CRTC1: variants seen among roughly 807,000 people sequenced by gnomAD.
CRTC1 encodes CREB regulated transcription coactivator 1.
A neutral mutation model predicts 66.1 loss-of-function variants in CRTC1; 18 were observed. The observed-to-expected ratio is 0.27, with a 90% CI of 0.19 to 0.40. CRTC1 has a LOEUF of 0.40. CRTC1 is among the 10% of genes least tolerant of loss of function. The pLI is 1.00. For synonymous variants in CRTC1, 416 were observed against 398.8 expected (o/e 1.04, Z -0.51); for missense variants, 669 against 887.9 (o/e 0.75, Z 3.13).
intron 1 of CRTC1, among the ~76,000 whole-genome samples, chr19:18,694,218 T>C (rs2052927613): frequency 6.7e-6 from 1 of 148,566 alleles, no homozygotes; most frequent in Non-Finnish European, 1.5e-5. Context: ...AGAGGTTCCC[T>C]TGAGCCTAGG....
At chr19:18,743,089 G>A in intron 2 of CRTC1, 63 bp downstream of exon 2, 1 of 1,289,988 alleles carries the variant, frequency 7.8e-7, no homozygotes. Context: ...TCCCACTGGG[G>A]GCCAGACATT....
At chr19:18,733,126 GC>G (rs1163110617) in intron 1 of CRTC1, among the ~76,000 whole-genome samples, 1 of 151,994 alleles carries the variant, frequency 6.6e-6, no homozygotes, top group Non-Finnish European at 1.5e-5. Flanking sequence ...AGCCCTCCCG[GC>G]TGGGGAAAGA....
chr19:18,683,712 T>G lies in CRTC1; in HGVS notation c.10T>G (p.Ser4Ala), dbSNP rs1358939032. Residue 4 changes from serine (S) to alanine (A), a missense_variant, in exon 1 of 14, where the codon TCG becomes GCG. Physicochemically the swap from Ser to Ala is moderately conservative, Grantham distance 99. Transcript: ENST00000321949. ...AGGTGGCGGCGAGAAGATGGCGACT[T>G]CGAACAATCCGCGGAAATTCAGCGA... MAT[S>A]NNPRKFSEKI... 1.2e-5 allele frequency: 17 copies of G among 1,396,736 alleles called. No individual in the cohort carries two copies. Among genetic ancestry groups the G allele is most frequent in the Non-Finnish European group, 1.5e-5 (16 of 1,050,816 alleles). 86.5% of individuals were successfully genotyped at this position (1,396,736 alleles called of 1,614,324 possible). A position where few individuals can be genotyped will look rare whatever the true frequency, so the allele number is the denominator to read the frequency against.
chr19:18,772,907 T>C (rs1201621509), intron 11 of CRTC1, among the ~76,000 whole-genome samples: 1 of 152,092 alleles, frequency 6.6e-6, no homozygotes, highest in Non-Finnish European at 1.5e-5. Flanking sequence ...GTGAGGCCTG[T>C]CCCAGGTGGG....
chr19:18,746,372 A>G (rs560812695), intron 3 of CRTC1, among the ~76,000 whole-genome samples: 6 of 152,124 alleles, frequency 3.9e-5, no homozygotes, highest in Non-Finnish European at 7.4e-5. Context: ...CAATGGGGCT[A>G]AGGGGGTCTG....
intron 1 of CRTC1, among the ~76,000 whole-genome samples, chr19:18,722,201 A>G (rs10417063): frequency 1.1e-3 from 162 of 152,298 alleles, no homozygotes; most frequent in African/African-American, 3.8e-3. Context: ...GAGACGAGAA[A>G]ACATGCCAAG....
intron 1 of CRTC1, among the ~76,000 whole-genome samples, chr19:18,716,621 G>C (rs904645424): frequency 2.0e-5 from 3 of 152,206 alleles, no homozygotes; most frequent in African/African-American, 7.2e-5. Flanking sequence ...GCGGGCATTA[G>C]TGTGTGGAGA....
In CRTC1 at chr19:18,700,722, G is replaced by A. The variant is rs576199375; in HGVS notation, c.126+16894G>A. 9.9e-5 allele frequency among the ~76,000 whole-genome samples: 15 copies of A among 152,256 alleles called. No homozygotes were observed. In the East Asian group the frequency reaches 2.3e-3, roughly 24 times the overall value. ...TAGCAGGGCGCCTGGGACTGGCTCT[G>A]TGGGCTGGCCGTCCCTCTGGCTGGG... On this transcript the variant is annotated intron_variant, in intron 1 of 13. Coordinates refer to ENST00000321949, the MANE Select transcript of CRTC1 (RefSeq NM_015321.3).
At chr19:18,688,438 G>A (rs1319494605) in intron 1 of CRTC1, among the ~76,000 whole-genome samples, 1 of 151,374 alleles carries the variant, frequency 6.6e-6, no homozygotes, top group Non-Finnish European at 1.5e-5. Context: ...TTGTTTGTTT[G>A]TTTGTTTGTT....
intron 6 of CRTC1, among the ~76,000 whole-genome samples, chr19:18,755,431 G>A (rs1487740463): frequency 6.7e-6 from 1 of 148,246 alleles, no homozygotes; most frequent in Non-Finnish European, 1.5e-5. Flanking sequence ...ACAAATTTTT[G>A]TATTTTTTGT....
intron 1 of CRTC1, among the ~76,000 whole-genome samples, chr19:18,725,846 T>C (rs1048379503): frequency 6.6e-6 from 1 of 152,206 alleles, no homozygotes; most frequent in Non-Finnish European, 1.5e-5. Context: ...TCTGGAGAAT[T>C]CCTCTCTCCC....
At chr19:18,734,773 G>A (rs199874025) in intron 1 of CRTC1, among the ~76,000 whole-genome samples, 4 of 152,228 alleles carry the variant, frequency 2.6e-5, no homozygotes, top group Admixed American at 6.5e-5. Flanking sequence ...GTTTCCAGAG[G>A]TGGGCAGTGG....
intron 1 of CRTC1, among the ~76,000 whole-genome samples, chr19:18,699,468 A>G (rs1195920496): frequency 6.6e-6 from 1 of 152,098 alleles, no homozygotes; most frequent in East Asian, 1.9e-4. Context: ...CAGCCCTCTG[A>G]GTGCCTGAAC....
chr19:18,704,483 A>G (rs1869394126), intron 1 of CRTC1, among the ~76,000 whole-genome samples: 1 of 152,204 alleles, frequency 6.6e-6, no homozygotes, highest in Admixed American at 6.5e-5. Context: ...AGACTGAAGC[A>G]GGTGGATCAC....
intron 6 of CRTC1, among the ~76,000 whole-genome samples, chr19:18,757,304 C>T (rs1247514491): frequency 6.6e-6 from 1 of 152,118 alleles, no homozygotes; most frequent in Non-Finnish European, 1.5e-5. Flanking sequence ...CTGTAGTTCC[C>T]CAGGGCCTGC....
intron 2 of CRTC1, among the ~76,000 whole-genome samples, chr19:18,743,879 C>T (rs1362389911): frequency 1.3e-5 from 2 of 152,210 alleles, no homozygotes; most frequent in Non-Finnish European, 2.9e-5. Flanking sequence ...CAGGTTTTCT[C>T]CCCTCCTGCC....
chr19:18,715,397 C>A (rs2053484544), intron 1 of CRTC1, among the ~76,000 whole-genome samples: 1 of 152,154 alleles, frequency 6.6e-6, no homozygotes, highest in South Asian at 2.1e-4. Flanking sequence ...CTGGCTAATA[C>A]CCCTTCTCTT....
In CRTC1 at chr19:18,768,861, G is replaced by A; in HGVS notation, c.1320+68G>A. Reference sequence around the variant, plus strand: ...TGTAGAGGACAGCCCGGGGGCTGCAGAACAGTCGGGTTACCTGCTGCATGG... The same window carrying A: ...TGTAGAGGACAGCCCGGGGGCTGCAAAACAGTCGGGTTACCTGCTGCATGG... On this transcript the variant is annotated intron_variant, in intron 10 of 13. Coordinates refer to ENST00000321949, the MANE Select transcript of CRTC1 (RefSeq NM_015321.3). This position sits in a 1 kb window ranked among gnomAD's most constrained non-coding sequence, Gnocchi z 5.6. The A allele has an allele frequency of 6.7e-7, 1 of 1,500,962 alleles. No homozygotes were observed. The highest frequency in any genetic ancestry group is 1.3e-5 in the South Asian group (1 of 76,632). The allele number at this position is 1,500,962 out of a possible 1,614,324, so 93.0% of individuals were successfully genotyped here.
At chr19:18,693,576 G>T (rs556337487) in intron 1 of CRTC1, among the ~76,000 whole-genome samples, 1 of 150,994 alleles carries the variant, frequency 6.6e-6, no homozygotes, top group South Asian at 2.1e-4. Flanking sequence ...CCGCCTCCTG[G>T]GTTCACGCCC....
Sources: allele counts gnomAD v4.1 joint callset (sites outside exome capture counted in the v4.1 genomes callset), GRCh38; gene constraint gnomAD v4.1.1; non-coding constraint Gnocchi (gnomAD v3.1); transcripts MANE v1.5; gene names NCBI Gene and HGNC (gene_info 2026-07-23, HGNC 2026-07-21).